The following COG5 variants were observed in gnomAD, a reference collection of about 807,000 sequenced individuals.
COG5 encodes conserved oligomeric Golgi complex subunit 5.
In COG5, 86 loss-of-function variants were observed where a neutral mutation model predicts 110.4. The observed-to-expected ratio is 0.78, with a 90% CI of 0.65 to 0.93. The LOEUF is 0.93. Ranked by LOEUF, COG5 falls within the 40% of genes least tolerant of loss-of-function variation. The pLI is 0.00. For synonymous variants in COG5, 360 were observed against 334.6 expected, an observed-to-expected ratio of 1.08 and a Z score of -0.83; for missense variants, 1,077 against 987.0, an observed-to-expected ratio of 1.09 and a Z score of -1.22.
chr7:107,545,791 A>G (rs1387981142), intron 5 of COG5, among the ~76,000 whole-genome samples: 1 of 151,158 alleles, frequency 6.6e-6, no homozygotes, highest in African/African-American at 2.4e-5. Flanking sequence ...AAAAAAAAAA[A>G]AAAAAAAAGA....
At chr7:107,543,684 A>T (rs1248750944) in intron 5 of COG5, among the ~76,000 whole-genome samples, 1 of 152,100 alleles carries the variant, frequency 6.6e-6, no homozygotes, top group African/African-American at 2.4e-5. Context: ...AAGTGGCCCC[A>T]AACACCAGGT....
chr7:107,299,289 T>C (rs1037712010), intron 11 of COG5, among the ~76,000 whole-genome samples: 1 of 152,036 alleles, frequency 6.6e-6, no homozygotes, highest in African/African-American at 2.4e-5. Flanking sequence ...CCAGATGGAT[T>C]AGGAAAAAAC....
At chr7:107,475,835 G>GC (rs1796943125) in intron 6 of COG5, among the ~76,000 whole-genome samples, 1 of 151,518 alleles carries the variant, frequency 6.6e-6, no homozygotes, top group Admixed American at 6.6e-5. Context: ...ATACCACTAT[G>GC]CTATGTTTCC....
chr7:107,543,944 G>C (rs1802235769), intron 5 of COG5, among the ~76,000 whole-genome samples: 1 of 151,846 alleles, frequency 6.6e-6, no homozygotes. Flanking sequence ...CTGCCCCCAA[G>C]ACCTGATGAC....
intron 17 of COG5, among the ~76,000 whole-genome samples, chr7:107,244,832 G>C (rs909275267): frequency 6.6e-6 from 1 of 152,108 alleles, no homozygotes. Context: ...AAAAAAGTCT[G>C]AGGCCTGATG....
chr7:107,368,244 A>T (rs1430308581), intron 8 of COG5, among the ~76,000 whole-genome samples: 1 of 152,162 alleles, frequency 6.6e-6, no homozygotes, highest in Non-Finnish European at 1.5e-5. Flanking sequence ...TTGGAAATTC[A>T]TTAAGTCCTT....
intron 11 of COG5, among the ~76,000 whole-genome samples, chr7:107,320,827 T>C (rs1251851542): frequency 6.6e-6 from 1 of 152,112 alleles, no homozygotes; most frequent in Non-Finnish European, 1.5e-5. Flanking sequence ...TAAGAAAAAC[T>C]TCACACTGAT....
At chr7:107,232,450 G>T (rs544390716) in intron 18 of COG5, among the ~76,000 whole-genome samples, 4 of 152,058 alleles carry the variant, frequency 2.6e-5, no homozygotes, top group African/African-American at 7.2e-5. Context: ...TATTTTTCAC[G>T]AAGTGTTTTT....
At chr7:107,353,575 G>C (rs370173914) in intron 10 of COG5, among the ~76,000 whole-genome samples, 37 of 151,896 alleles carry the variant, frequency 2.4e-4, no homozygotes, top group Non-Finnish European at 4.6e-4. Context: ...AAGCTAGCCA[G>C]AGCATTTATT....
chr7:107,339,912 A>G (rs898850087), intron 10 of COG5, among the ~76,000 whole-genome samples: 1 of 152,132 alleles, frequency 6.6e-6, no homozygotes, highest in African/African-American at 2.4e-5. Flanking sequence ...TCAAAAAGTC[A>G]GAAAGATCTC....
At chr7:107,341,850 C>A (rs1250316351) in intron 10 of COG5, among the ~76,000 whole-genome samples, 2 of 152,122 alleles carry the variant, frequency 1.3e-5, no homozygotes, top group East Asian at 3.8e-4. Context: ...AAAACTGGAT[C>A]CCTACCTTTT....
intron 7 of COG5, among the ~76,000 whole-genome samples, chr7:107,409,826 G>A (rs1792144144): frequency 6.6e-6 from 1 of 152,174 alleles, no homozygotes; most frequent in Non-Finnish European, 1.5e-5. Context: ...TTCCTTGTAA[G>A]GAGTGTGACA....
At chr7:107,409,011 G>A (rs369909417) in intron 7 of COG5, among the ~76,000 whole-genome samples, 1 of 151,752 alleles carries the variant, frequency 6.6e-6, no homozygotes, top group Middle Eastern at 3.2e-3. Context: ...ACCAATACAA[G>A]CATCCTGCAG....
intron 6 of COG5, among the ~76,000 whole-genome samples, chr7:107,445,948 C>T (rs146486249): frequency 1.2e-4 from 19 of 152,226 alleles, no homozygotes; most frequent in African/African-American, 4.3e-4. Flanking sequence ...ACACAGACTG[C>T]CCACTGCACA....
intron 6 of COG5, among the ~76,000 whole-genome samples, chr7:107,454,699 A>G (rs1795553684): frequency 6.6e-6 from 1 of 152,100 alleles, no homozygotes; most frequent in Admixed American, 6.5e-5. Flanking sequence ...AATGCAAACC[A>G]CTATCAAGGA....
chr7:107,352,296 G>A (rs1204221332), intron 10 of COG5, among the ~76,000 whole-genome samples: 2 of 106,060 alleles, frequency 1.9e-5, no homozygotes, highest in Non-Finnish European at 3.6e-5. Context: ...ACATCACACT[G>A]TTGTGGGGTG....
At chr7:107,558,206 T>C (rs1803473256) in intron 1 of COG5, 91 bp from the exon 2 acceptor site, 1 of 1,346,702 alleles carries the variant, frequency 7.4e-7, no homozygotes, top group Non-Finnish European at 1.0e-6. Flanking sequence ...ATAATTAACA[T>C]ATTTTGATCC....
At chr7:107,519,204 A>G (rs750621235) in intron 6 of COG5, among the ~76,000 whole-genome samples, 152 of 152,180 alleles carry the variant, frequency 1.0e-3, no homozygotes, top group Non-Finnish European at 1.5e-3. Context: ...AGCAGGAAAG[A>G]TCTAAAATCG....
At chr7:107,483,532 C>T (rs1797469255) in intron 6 of COG5, among the ~76,000 whole-genome samples, 1 of 151,978 alleles carries the variant, frequency 6.6e-6, no homozygotes, top group Admixed American at 6.6e-5. Context: ...ATGGAGAAAC[C>T]TGTCTCTACT....
Sources: gnomAD v4.1 joint callset for allele counts (sites outside exome capture counted in the v4.1 genomes callset) on GRCh38, gnomAD v4.1.1 for gene constraint, MANE v1.5 for transcripts, NCBI Gene and HGNC (gene_info 2026-07-23, HGNC 2026-07-21) for gene names.